ZMAT4: variants seen among roughly 807,000 people sequenced by gnomAD.
The protein encoded by ZMAT4 is zinc finger matrin-type protein 4.
ZMAT4 carries 17 observed loss-of-function variants against 28.7 expected under a neutral mutation model. That is an observed-to-expected ratio of 0.59 (90% CI 0.41 to 0.89). ZMAT4 has a LOEUF of 0.89. ZMAT4 is among the 40% of genes least tolerant of loss of function. The probability of loss-of-function intolerance (pLI) is 0.00; values close to 1 mark genes in which losing one functional copy is unlikely to be tolerated. For missense variants in ZMAT4, 240 were observed against 283.8 expected, an observed-to-expected ratio of 0.85 and a Z score of 1.11; for synonymous variants, 117 against 109.2, an observed-to-expected ratio of 1.07 and a Z score of -0.44.
intron 6 of ZMAT4, among the ~76,000 whole-genome samples, chr8:40,559,395 A>T (rs1192132459): frequency 1.3e-5 from 2 of 152,136 alleles, no homozygotes; most frequent in African/African-American, 4.8e-5. Flanking sequence ...TGCATGCATC[A>T]TACTGAACCC....
chr8:40,803,871 A>G (rs1814961500), intron 2 of ZMAT4, among the ~76,000 whole-genome samples: 2 of 152,226 alleles, frequency 1.3e-5, no homozygotes, highest in African/African-American at 2.4e-5. Context: ...TGGGACATCC[A>G]AACAATGGAC....
intron 5 of ZMAT4, among the ~76,000 whole-genome samples, chr8:40,647,500 G>A (rs1462850935): frequency 5.3e-5 from 8 of 152,186 alleles, no homozygotes; most frequent in African/African-American, 1.9e-4. Context: ...GGCTGGGGGA[G>A]GGGCGCCCAC....
intron 2 of ZMAT4, among the ~76,000 whole-genome samples, chr8:40,795,450 A>G (rs1013760113): frequency 1.3e-5 from 2 of 152,198 alleles, no homozygotes; most frequent in Admixed American, 6.5e-5. Context: ...ATTTCTGGCC[A>G]ACATAGTTAA....
chr8:40,568,284 A>G (rs912019784), intron 6 of ZMAT4, among the ~76,000 whole-genome samples: 2 of 152,118 alleles, frequency 1.3e-5, no homozygotes, highest in African/African-American at 2.4e-5. Context: ...TTCAGCAAAC[A>G]TTTCTTCCGA....
At chr8:40,832,716 A>G (rs542114018) in intron 1 of ZMAT4, among the ~76,000 whole-genome samples, 67 of 152,380 alleles carry the variant, frequency 4.4e-4, no homozygotes, top group African/African-American at 1.5e-3. Flanking sequence ...TGACCTGGTT[A>G]TGAATGTGAA....
At chr8:40,572,120 GTATCT>G (rs1354115513) in intron 6 of ZMAT4, among the ~76,000 whole-genome samples, 7 of 152,066 alleles carry the variant, frequency 4.6e-5, no homozygotes, top group Non-Finnish European at 8.8e-5. Flanking sequence ...TGTGGTTCAT[GTATCT>G]TACAAAAGTG....
intron 5 of ZMAT4, among the ~76,000 whole-genome samples, chr8:40,663,003 T>A (rs2118861457): frequency 6.6e-6 from 1 of 152,312 alleles, no homozygotes. Context: ...CTCATTCCAA[T>A]GATCACATCC....
chr8:40,764,301 TA>T (rs1381931234), intron 3 of ZMAT4, among the ~76,000 whole-genome samples: 1 of 152,118 alleles, frequency 6.6e-6, no homozygotes, highest in African/African-American at 2.4e-5. Context: ...ATTCTAAAGA[TA>T]AAAGCATGTG....
chr8:40,595,750 G>A (rs1338403599), intron 5 of ZMAT4, among the ~76,000 whole-genome samples: 2 of 152,144 alleles, frequency 1.3e-5, no homozygotes, highest in Non-Finnish European at 2.9e-5. Flanking sequence ...GGGTGAGTCA[G>A]TGACTGAGTG....
intron 5 of ZMAT4, among the ~76,000 whole-genome samples, chr8:40,658,321 T>G (rs1366454803): frequency 1.3e-5 from 2 of 152,206 alleles, no homozygotes. Flanking sequence ...AGACTGCATC[T>G]GAATATTATG....
At chr8:40,536,206 A>G (rs991139513) in intron 6 of ZMAT4, among the ~76,000 whole-genome samples, 2 of 152,202 alleles carry the variant, frequency 1.3e-5, no homozygotes, top group African/African-American at 4.8e-5. Flanking sequence ...TTCAAGACAA[A>G]AGTGCAGCGT....
At chr8:40,878,894 T>A (rs1457917968) in intron 1 of ZMAT4, among the ~76,000 whole-genome samples, 1 of 152,192 alleles carries the variant, frequency 6.6e-6, no homozygotes, top group Non-Finnish European at 1.5e-5. Flanking sequence ...GCAGGGCTGC[T>A]TTTTTGTTTT....
intron 1 of ZMAT4, among the ~76,000 whole-genome samples, chr8:40,869,226 C>G (rs531166442): frequency 8.5e-5 from 13 of 152,312 alleles, no homozygotes; most frequent in African/African-American, 3.1e-4. Context: ...TCAAGAAACT[C>G]TACTTATCTT....
chr8:40,846,340 A>G (rs902303526), intron 1 of ZMAT4, among the ~76,000 whole-genome samples: 7 of 152,124 alleles, frequency 4.6e-5, no homozygotes, highest in Non-Finnish European at 8.8e-5. Flanking sequence ...TCCCATTTCC[A>G]TAAATTCTTC....
chr8:40,700,207 G>A (rs1050865758), intron 3 of ZMAT4, among the ~76,000 whole-genome samples: 3 of 151,784 alleles, frequency 2.0e-5, no homozygotes, highest in African/African-American at 7.3e-5. Context: ...CAAAGAACTA[G>A]AGTCTCATAT....
chr8:40,678,523 C>T (rs932085558), intron 4 of ZMAT4, among the ~76,000 whole-genome samples: 1 of 152,204 alleles, frequency 6.6e-6, no homozygotes, highest in Non-Finnish European at 1.5e-5. Context: ...TACTGAATCC[C>T]ATATGCTTTG....
chr8:40,893,369 G>A lies in ZMAT4; in HGVS notation c.-5+4314C>T, dbSNP rs111240765. Among the ~76,000 whole-genome samples the A allele has an allele frequency of 1.6e-3, 239 of 152,318 alleles. 2 individuals are homozygous for A. Among genetic ancestry groups the A allele is most frequent in the African/African-American group, 5.0e-3 (208 of 41,564 alleles). ...GGAGCGGAAAGGAGCCTGTGAGAAC[G>A]TAGTCCTGACCTCTGGCTCTATATC... is the stretch of plus-strand genomic sequence containing the variant. On this transcript the variant is annotated intron_variant, in intron 1 of 6. Transcript: ENST00000297737.
chr8:40,673,718 A>C (rs1196502468), intron 5 of ZMAT4, among the ~76,000 whole-genome samples: 1 of 152,184 alleles, frequency 6.6e-6, no homozygotes, highest in Non-Finnish European at 1.5e-5. Context: ...CTGGTGATAA[A>C]ATATTCTATT....
chr8:40,702,770 C>T (rs905834379), intron 3 of ZMAT4, among the ~76,000 whole-genome samples: 5 of 152,226 alleles, frequency 3.3e-5, no homozygotes, highest in South Asian at 4.1e-4. Context: ...CTCAGGCATG[C>T]GTCATAGTGC....
Sources: gnomAD v4.1 joint callset for allele counts (sites outside exome capture counted in the v4.1 genomes callset) on GRCh38, gnomAD v4.1.1 for gene constraint, MANE v1.5 for transcripts, NCBI Gene and HGNC (gene_info 2026-07-23, HGNC 2026-07-21) for gene names.